TRIM67: variants seen among roughly 807,000 people sequenced by gnomAD.
The protein encoded by TRIM67 is tripartite motif containing 67.
TRIM67 carries 39 observed loss-of-function variants against 71.0 expected under a neutral mutation model. The ratio of observed to expected loss-of-function variants is 0.55; its 90% CI spans 0.43 to 0.72. The LOEUF is 0.72. TRIM67 is among the 30% of genes least tolerant of loss of function. TRIM67 has a pLI of 0.00. For synonymous variants in TRIM67, 481 were observed against 473.9 expected, an observed-to-expected ratio of 1.01 and a Z score of -0.19; for missense variants, 973 against 1,079.2, an observed-to-expected ratio of 0.90 and a Z score of 1.38.
At chr1:231,186,860 C>T (rs780433327) in intron 1 of TRIM67, among the ~76,000 whole-genome samples, 2 of 152,134 alleles carry the variant, frequency 1.3e-5, no homozygotes, top group Admixed American at 1.3e-4. Context: ...AGCCCAGCAC[C>T]CCAGAGGCCT....
At chr1:231,181,230 C>T (rs1201122318) in intron 1 of TRIM67, among the ~76,000 whole-genome samples, 1 of 152,210 alleles carries the variant, frequency 6.6e-6, no homozygotes, top group East Asian at 1.9e-4. Flanking sequence ...TCCCAAAGTG[C>T]TGGGATTACA....
chr1:231,167,025 A>G (rs1398361602), intron 1 of TRIM67, among the ~76,000 whole-genome samples: 1 of 152,230 alleles, frequency 6.6e-6, no homozygotes, highest in African/African-American at 2.4e-5. Flanking sequence ...GTCAACATCT[A>G]TAACTCCTCA....
intron 8 of TRIM67, among the ~76,000 whole-genome samples, chr1:231,212,928 A>G (rs893985960): frequency 6.6e-6 from 1 of 152,100 alleles, no homozygotes; most frequent in African/African-American, 2.4e-5. Flanking sequence ...ACGTTCCGCT[A>G]TTGGTCACCT....
At position 231,218,676 on chromosome 1, in the gene TRIM67, C is replaced by G; in HGVS notation, c.*3236C>G. ...ACCCACAAGGTAACTGACCTAAACA[C>G]TATAAAACTGTATATATTTCCAGGC... On this transcript the variant is annotated 3_prime_UTR_variant, in exon 10 of 10. Transcript: ENST00000366653. The G allele has an allele frequency of 1.0e-6, 1 of 985,418 alleles. No individual in the cohort carries two copies. The allele number at this position is 985,418 out of a possible 1,614,324, so 61.0% of individuals were successfully genotyped here.
chr1:231,186,396 C>A (rs553378291), intron 1 of TRIM67, among the ~76,000 whole-genome samples: 1 of 152,302 alleles, frequency 6.6e-6, no homozygotes, highest in South Asian at 2.1e-4. Context: ...CAAAGTACCA[C>A]AAACTGGGTG....
Position 231,209,117 on chromosome 1 carries a change from C to A in TRIM67, c.1990C>A (p.Pro664Thr). The A allele has an allele frequency of 6.2e-7, 1 of 1,614,002 alleles. No homozygotes were observed. Among genetic ancestry groups the A allele is most frequent in the Non-Finnish European group, 8.5e-7 (1 of 1,179,878 alleles). ...GCACGTGGACCGGTACGACAACCAC[C>A]CAGACCCCGCCTTCGGGGTGGCCAG... is the stretch of plus-strand genomic sequence containing the variant. ...ELHVDRYDNH[P>T]DPAFGVARAS... The change falls in exon 8 of 10, where the codon CCA becomes ACA. Residue 664 changes from proline to threonine, a missense_variant. Pro to Thr is a conservative substitution (Grantham distance 38). Coordinates refer to ENST00000366653, the MANE Select transcript of TRIM67 (RefSeq NM_001004342.5). This position sits in a 1 kb window ranked among gnomAD's most constrained non-coding sequence, Gnocchi z 4.1.
intron 1 of TRIM67, among the ~76,000 whole-genome samples, chr1:231,166,697 G>A (rs1196426179): frequency 6.6e-6 from 1 of 152,218 alleles, no homozygotes; most frequent in Admixed American, 6.5e-5. Flanking sequence ...TGTTACTGCA[G>A]CTTACCTTCT....
intron 1 of TRIM67, chr1:231,185,970 T>C: frequency 3.4e-6 from 3 of 894,696 alleles, no homozygotes; most frequent in South Asian, 1.5e-5. Flanking sequence ...CAAGGGCTCA[T>C]AACTAGAGGA....
At chr1:231,192,383 T>C (rs1385759514) in intron 1 of TRIM67, among the ~76,000 whole-genome samples, 1 of 152,148 alleles carries the variant, frequency 6.6e-6, no homozygotes, top group African/African-American at 2.4e-5. Context: ...ACTCATTATG[T>C]TGCCCAGGCT....
At chr1:231,177,964 A>G (rs142008639) in intron 1 of TRIM67, among the ~76,000 whole-genome samples, 3 of 152,330 alleles carry the variant, frequency 2.0e-5, no homozygotes, top group East Asian at 1.9e-4. Flanking sequence ...AGCAGTCCCT[A>G]TGAACTATTT....
intron 5 of TRIM67, among the ~76,000 whole-genome samples, chr1:231,201,822 C>T (rs957641779): frequency 1.3e-5 from 2 of 152,266 alleles, no homozygotes; most frequent in African/African-American, 4.8e-5. Flanking sequence ...ATGTGCCAGG[C>T]ACTATTCCAC....
In TRIM67 at chr1:231,197,425, G is replaced by T; in HGVS notation, c.1099G>T (p.Glu367Ter). 1 of 1,614,038 alleles carries T rather than the reference G, an allele frequency of 6.2e-7. No individual in the cohort carries two copies. Among genetic ancestry groups the T allele is most frequent in the South Asian group, 1.1e-5 (1 of 91,088 alleles). Residue 367 changes from glutamate (E) to a stop codon, truncating the protein, a stop_gained, in exon 2 of 10, where the codon GAG becomes TAG. Coordinates refer to ENST00000366653, the MANE Select transcript of TRIM67 (RefSeq NM_001004342.5). LOFTEE classifies it high-confidence loss of function. Reference protein sequence around the residue: ...GVSDKAKEAKEFLVQLKNILQ... With the variant: ...GVSDKAKEAK ...TTCAGATAAGGCAAAGGAAGCAAAGGAGTTTCTGGTTCAGCTAAAGAACAT... is the reference window on the plus strand; with the variant it reads ...TTCAGATAAGGCAAAGGAAGCAAAGTAGTTTCTGGTTCAGCTAAAGAACAT...
At chr1:231,173,885 GGA>G in intron 1 of TRIM67, among the ~76,000 whole-genome samples, 1 of 152,288 alleles carries the variant, frequency 6.6e-6, no homozygotes. Context: ...ACTTGAATTA[GGA>G]GAGAGGCAGC....
intron 6 of TRIM67, among the ~76,000 whole-genome samples, chr1:231,205,147 A>T (rs1683660175): frequency 6.6e-6 from 1 of 152,342 alleles, no homozygotes; most frequent in Admixed American, 6.5e-5. Context: ...CACAGAGCTT[A>T]AAAATGGTCC....
At chr1:231,165,183 T>C (rs980561486) in intron 1 of TRIM67, among the ~76,000 whole-genome samples, 2 of 152,182 alleles carry the variant, frequency 1.3e-5, no homozygotes, top group African/African-American at 4.8e-5. Context: ...CCAGGGAAGC[T>C]GATAAACATT....
chr1:231,217,067 C>T lies in TRIM67; in HGVS notation c.*1627C>T, dbSNP rs187727146. 3.3e-5 allele frequency: 33 copies of T among 985,928 alleles called. No homozygotes were observed. The highest frequency in any genetic ancestry group is 3.1e-4 in the Admixed American group (5 of 16,290). The allele number at this position is 985,928 out of a possible 1,614,324, so 61.1% of individuals were successfully genotyped here. On this transcript the variant is annotated 3_prime_UTR_variant, in exon 10 of 10. Coordinates refer to ENST00000366653, the MANE Select transcript of TRIM67 (RefSeq NM_001004342.5). ...GTTCTGCCTTCCTGTTCAGACACCGCGCCTGCTTTCTGAGTAACTGCCTGC... is the reference window on the plus strand; with the variant it reads ...GTTCTGCCTTCCTGTTCAGACACCGTGCCTGCTTTCTGAGTAACTGCCTGC...
In TRIM67 at chr1:231,163,085, C is replaced by A; in HGVS notation, c.116C>A (p.Pro39Gln). The A allele has an allele frequency of 6.3e-7, 1 of 1,587,370 alleles. No homozygotes were observed. The highest frequency in any genetic ancestry group is 8.6e-7 in the Non-Finnish European group (1 of 1,168,372). ...GCTCGCACCATCGCGGTGCAGACCC[C>A]GGACGGTGAGCAGCACCTGCCCCAG... ...PCARTIAVQT[P>Q]DGEQHLPQPL... The change falls in exon 1 of 10, where the codon CCG (proline) becomes CAG (glutamine). Residue 39 changes from proline to glutamine, a missense_variant. Pro to Gln is a moderately conservative substitution (Grantham distance 76). Around this residue, in one of 2 missense-constraint regions of TRIM67, gnomAD observed 795 missense variants for 831.3 expected, o/e 0.96. Transcript: ENST00000366653.
At chr1:231,188,953 A>G (rs1424766869) in intron 1 of TRIM67, among the ~76,000 whole-genome samples, 3 of 152,190 alleles carry the variant, frequency 2.0e-5, no homozygotes, top group Admixed American at 2.0e-4. Flanking sequence ...CACAAGATCC[A>G]CTTTTCTGGC....
chr1:231,173,604 G>T (rs979073321), intron 1 of TRIM67, among the ~76,000 whole-genome samples: 3 of 152,186 alleles, frequency 2.0e-5, no homozygotes, highest in African/African-American at 7.2e-5. Context: ...CAGTGTGCTT[G>T]GGGCATAATG....
Sources: allele counts gnomAD v4.1 joint callset (sites outside exome capture counted in the v4.1 genomes callset), GRCh38; gene constraint gnomAD v4.1.1; regional missense constraint gnomAD v4.1.1; non-coding constraint Gnocchi (gnomAD v3.1); transcripts MANE v1.5; gene names NCBI Gene and HGNC (gene_info 2026-07-23, HGNC 2026-07-21).